GPATCH1: variants seen among roughly 807,000 people sequenced by gnomAD.
GPATCH1 encodes G patch domain-containing protein 1.
GPATCH1 carries 73 observed loss-of-function variants against 114.9 expected under a neutral mutation model. The observed-to-expected ratio is 0.64, with a 90% CI of 0.53 to 0.77. GPATCH1 has a LOEUF of 0.77. GPATCH1 is among the 30% of genes least tolerant of loss of function. The probability of loss-of-function intolerance (pLI) is 0.00; values close to 1 mark genes in which losing one functional copy is unlikely to be tolerated. For synonymous variants in GPATCH1, 391 were observed against 428.4 expected (o/e 0.91, Z 1.08); for missense variants, 1,058 against 1,144.3 (o/e 0.92, Z 1.09).
chr19:33,117,938 G>A lies in GPATCH1; in HGVS notation c.2310G>A (p.Glu770=). 6.2e-7 allele frequency: 1 copy of A among 1,613,908 alleles called. No homozygotes were observed. The highest frequency in any genetic ancestry group is 8.5e-7 in the Non-Finnish European group (1 of 1,179,944). The part of the protein sequence containing the change: ...SSSDEKSSSS[E]DEQGDSEDDQ... ...CAGATGAAAAGTCCTCATCCTCCGA[G>A]GATGAGCAAGGTGACAGTGAAGATG... Residue 770 remains glutamate, a synonymous_variant, in exon 16 of 20, where the codon GAG becomes GAA. Transcript: ENST00000170564.
chr19:33,120,548 CAAAAAAAAAA>C (rs58579147), intron 17 of GPATCH1, among the ~76,000 whole-genome samples: 1 of 72,980 alleles, frequency 1.4e-5, no homozygotes, highest in South Asian at 4.1e-4. Context: ...GACTCTGTCT[CAAAAAAAAAA>C]AAAAAAAAAG....
chr19:33,114,707 C>T (rs776371485), intron 15 of GPATCH1, among the ~76,000 whole-genome samples: 19 of 151,596 alleles, frequency 1.3e-4, no homozygotes, highest in Admixed American at 2.6e-4. Context: ...TTATAAGAAG[C>T]TGTCAAACTG....
chr19:33,098,422 T>G (rs918088618), intron 8 of GPATCH1, among the ~76,000 whole-genome samples: 3 of 152,242 alleles, frequency 2.0e-5, no homozygotes, highest in African/African-American at 7.2e-5. Context: ...CAACTTTAAC[T>G]TCATGCTGTG....
chr19:33,092,594 G>A (rs1035062404), intron 3 of GPATCH1, among the ~76,000 whole-genome samples: 3 of 152,278 alleles, frequency 2.0e-5, no homozygotes, highest in Middle Eastern at 3.4e-3. Context: ...CCTAGACAAC[G>A]TCAGGACTCT....
intron 8 of GPATCH1, among the ~76,000 whole-genome samples, chr19:33,100,586 C>CAAAA (rs10609716): frequency 1.6e-4 from 10 of 62,184 alleles, no homozygotes; most frequent in Non-Finnish European, 1.9e-4. Flanking sequence ...GACTCCATCT[C>CAAAA]AAAAAAAAAA....
rs1973089816 is a variant in GPATCH1 at position 33,130,237 on chromosome 19, T to G, written c.*77T>G. Reference sequence around the variant, plus strand: ...CCCAGTGATTGTTCAGTTAACGCATTGTACAGAGTGTATTTATATGTAAAT... The same window carrying G: ...CCCAGTGATTGTTCAGTTAACGCATGGTACAGAGTGTATTTATATGTAAAT... On this transcript the variant is annotated 3_prime_UTR_variant, in exon 20 of 20. Coordinates refer to ENST00000170564, the MANE Select transcript of GPATCH1 (RefSeq NM_018025.3). The G allele has an allele frequency of 6.4e-6, 6 of 934,128 alleles. No homozygotes were observed. Among genetic ancestry groups the G allele is most frequent in the Non-Finnish European group, 8.6e-6 (5 of 583,522 alleles). The allele number at this position is 934,128 out of a possible 1,614,324, so 57.9% of individuals were successfully genotyped here. A position where few individuals can be genotyped will look rare whatever the true frequency, so the allele number is the denominator to read the frequency against.
chr19:33,120,119 A>G (rs1396930641), intron 17 of GPATCH1, among the ~76,000 whole-genome samples: 1 of 139,886 alleles, frequency 7.1e-6, no homozygotes, highest in African/African-American at 2.6e-5. Context: ...ACTTAATTTA[A>G]ATATATTTCT....
Position 33,106,690 on chromosome 19 carries a change from T to C in GPATCH1, c.1081-5T>C. 1 of 1,610,798 alleles carries C rather than the reference T, an allele frequency of 6.2e-7. No homozygotes were observed. The highest frequency in any genetic ancestry group is 1.1e-5 in the South Asian group (1 of 91,048). ...ATTTTCTGGGTTTTGTCTTGGTTTG[T>C]TAAGATCTATCCACCTCCAGAGCTG... On this transcript the variant is annotated splice_region_variant and splice_polypyrimidine_tract_variant and intron_variant, in intron 9 of 19. Transcript: ENST00000170564.
chr19:33,120,160 T>G (rs1972963617), intron 17 of GPATCH1, among the ~76,000 whole-genome samples: 1 of 140,878 alleles, frequency 7.1e-6, no homozygotes, highest in Admixed American at 7.3e-5. Flanking sequence ...TGTAAATATT[T>G]AAAATAAATA....
chr19:33,095,866 G>GA (rs1193015125), intron 6 of GPATCH1, 46 bp downstream of exon 6: 1 of 1,320,422 alleles, frequency 7.6e-7, no homozygotes, highest in African/African-American at 1.5e-5. Flanking sequence ...AACAGCACCT[G>GA]TTTCTGTATG....
In GPATCH1 at chr19:33,094,280, T is replaced by A; in HGVS notation, c.553+11T>A. On this transcript the variant is annotated intron_variant, in intron 5 of 19. Transcript: ENST00000170564. Reference sequence around the variant, plus strand: ...GCCGACAGAAACCTGGTGTGTATGTTAATTGATTAACTGTTATCACTGCTG... The same window carrying A: ...GCCGACAGAAACCTGGTGTGTATGTAAATTGATTAACTGTTATCACTGCTG... 1 of 1,401,628 alleles carries A rather than the reference T, an allele frequency of 7.1e-7. No individual in the cohort carries two copies. Among genetic ancestry groups the A allele is most frequent in the Non-Finnish European group, 1.0e-6 (1 of 987,020 alleles). 86.8% of individuals were successfully genotyped at this position (1,401,628 alleles called of 1,614,324 possible). A position where few individuals can be genotyped will look rare whatever the true frequency, so the allele number is the denominator to read the frequency against.
chr19:33,125,350 T>G (rs10411529), intron 18 of GPATCH1, 148 bp downstream of exon 18: 265,046 of 871,454 alleles, frequency 0.3, 47,848 homozygotes, highest in South Asian at 0.59. Context: ...GACATTCAAT[T>G]CAAATGCTTG....
intron 13 of GPATCH1, chr19:33,112,857 A>C: frequency 2.9e-6 from 1 of 348,118 alleles, no homozygotes. Flanking sequence ...AGATATGTCA[A>C]GTTACAAAAG....
intron 15 of GPATCH1, 55 bp from the exon 16 acceptor site, chr19:33,117,770 C>T (rs1972932120): frequency 1.6e-6 from 2 of 1,240,474 alleles, no homozygotes; most frequent in African/African-American, 1.5e-5. Flanking sequence ...TAGAATGTCT[C>T]CTCCCTTTTA....
intron 17 of GPATCH1, among the ~76,000 whole-genome samples, chr19:33,122,426 G>A (rs553706165): frequency 2.6e-5 from 4 of 151,328 alleles, no homozygotes; most frequent in African/African-American, 7.3e-5. Flanking sequence ...CCAGGTTCAC[G>A]CCGTTCTCCT....
At chr19:33,092,111 ATC>A (rs1972603258) in intron 3 of GPATCH1, among the ~76,000 whole-genome samples, 1 of 150,752 alleles carries the variant, frequency 6.6e-6, no homozygotes, top group Admixed American at 6.7e-5. Flanking sequence ...CAGTGGCGCT[ATC>A]TCGGCTCACT....
intron 17 of GPATCH1, 149 bp downstream of exon 17, chr19:33,119,266 A>G (rs935996114): frequency 5.9e-6 from 3 of 510,218 alleles, no homozygotes; most frequent in African/African-American, 1.9e-5. Flanking sequence ...GTCTCCACCT[A>G]GTGCCTGAAA....
intron 4 of GPATCH1, 84 bp downstream of exon 4, chr19:33,093,603 G>A (rs758402180): frequency 1.6e-6 from 2 of 1,284,850 alleles, no homozygotes; most frequent in Non-Finnish European, 2.2e-6. Context: ...TAGTTTGATT[G>A]CAAGTGAGAC....
chr19:33,123,263 G>A (rs1973005600), intron 17 of GPATCH1, among the ~76,000 whole-genome samples: 1 of 151,808 alleles, frequency 6.6e-6, no homozygotes, highest in Admixed American at 6.6e-5. Flanking sequence ...AGCCAGGCAT[G>A]GTGGCACATG....
Sources: gnomAD v4.1 joint callset for allele counts (sites outside exome capture counted in the v4.1 genomes callset) on GRCh38, gnomAD v4.1.1 for gene constraint, MANE v1.5 for transcripts, NCBI Gene and HGNC (gene_info 2026-07-23, HGNC 2026-07-21) for gene names.